The following SOX5 variants were observed in gnomAD, a reference collection of about 807,000 sequenced individuals.
SOX5 encodes the protein SRY-box transcription factor 5.
In SOX5, 9 loss-of-function variants were observed where a neutral mutation model predicts 92.0. That is an observed-to-expected ratio of 0.10 (90% CI 0.06 to 0.17). The LOEUF (loss-of-function observed/expected upper bound fraction) is 0.17, where lower values mean the gene tolerates loss of function less well. Ranked by LOEUF, SOX5 falls within the 10% of genes least tolerant of loss-of-function variation. The pLI, the probability that SOX5 is intolerant of heterozygous loss-of-function variation, is 1.00. For missense variants in SOX5, 642 were observed against 944.5 expected, an observed-to-expected ratio of 0.68 and a Z score of 4.20; for synonymous variants, 344 against 336.3, an observed-to-expected ratio of 1.02 and a Z score of -0.25.
chr12:24,332,487 C>T (rs1052259440), intron 2 of SOX5, among the ~76,000 whole-genome samples: 45 of 151,708 alleles, frequency 3.0e-4, no homozygotes, highest in Non-Finnish European at 7.4e-5. Context: ...TAGAGAGTAA[C>T]TGAAAATAAG....
chr12:23,574,825 A>T (rs1948876188), intron 10 of SOX5, among the ~76,000 whole-genome samples: 1 of 152,070 alleles, frequency 6.6e-6, no homozygotes, highest in African/African-American at 2.4e-5. Context: ...TTGAATTAGG[A>T]TATATCTAAC....
intron 3 of SOX5, among the ~76,000 whole-genome samples, chr12:23,776,209 C>A (rs2095094070): frequency 6.6e-6 from 1 of 151,918 alleles, no homozygotes; most frequent in South Asian, 2.1e-4. Context: ...TTTTTTTGAC[C>A]AATTAAGTTC....
intron 1 of SOX5, among the ~76,000 whole-genome samples, chr12:24,498,432 C>G (rs1015469732): frequency 3.3e-5 from 5 of 152,044 alleles, no homozygotes; most frequent in Non-Finnish European, 7.4e-5. Context: ...ACCTACATTC[C>G]TTCTACCTCT....
intron 6 of SOX5, among the ~76,000 whole-genome samples, chr12:23,719,422 T>C (rs1249640272): frequency 6.6e-6 from 1 of 152,142 alleles, no homozygotes; most frequent in East Asian, 1.9e-4. Context: ...AGCATTTCCA[T>C]GCTACCAGGG....
chr12:24,140,843 G>A (rs578131700), intron 4 of SOX5, among the ~76,000 whole-genome samples: 2 of 152,110 alleles, frequency 1.3e-5, no homozygotes, highest in South Asian at 2.1e-4. Flanking sequence ...AACTGAAATT[G>A]CTCAATAAAA....
At chr12:23,650,639 T>C (rs2054469) in intron 7 of SOX5, among the ~76,000 whole-genome samples, 110,731 of 151,590 alleles carry the variant, frequency 0.73, 41,264 homozygotes, top group African/African-American at 0.89. Flanking sequence ...CCCTGCCATT[T>C]ATAGGGCTAA....
intron 3 of SOX5, among the ~76,000 whole-genome samples, chr12:24,221,081 T>C (rs1960294838): frequency 6.6e-6 from 1 of 152,222 alleles, no homozygotes; most frequent in Non-Finnish European, 1.5e-5. Flanking sequence ...TAACTCAGGA[T>C]GGCCTGATGT....
chr12:24,366,631 A>C (rs1595964544), intron 2 of SOX5, among the ~76,000 whole-genome samples: 1 of 152,244 alleles, frequency 6.6e-6, no homozygotes, highest in Admixed American at 6.5e-5. Flanking sequence ...ACACATTCAT[A>C]CCATCCTATT....
At chr12:23,643,621 A>G (rs2080421576) in intron 7 of SOX5, among the ~76,000 whole-genome samples, 1 of 152,204 alleles carries the variant, frequency 6.6e-6, no homozygotes, top group African/African-American at 2.4e-5. Flanking sequence ...TCAGGCAGAT[A>G]GGTAACTAGC....
intron 1 of SOX5, among the ~76,000 whole-genome samples, chr12:24,402,801 A>C (rs141531162): frequency 1.3e-5 from 2 of 152,200 alleles, no homozygotes; most frequent in Non-Finnish European, 2.9e-5. Flanking sequence ...TAGGGTCCCT[A>C]CTAAAATACT....
intron 9 of SOX5, among the ~76,000 whole-genome samples, chr12:23,590,403 T>C (rs952732555): frequency 6.6e-6 from 1 of 151,992 alleles, no homozygotes; most frequent in African/African-American, 2.4e-5. Context: ...CCTTGTTTCT[T>C]TCTCCAAAAT....
chr12:23,983,792 A>G (rs561831842), intron 4 of SOX5, among the ~76,000 whole-genome samples: 6 of 152,182 alleles, frequency 3.9e-5, no homozygotes, highest in East Asian at 1.9e-4. Flanking sequence ...GTCCTAATTT[A>G]TTATTAGCCA....
chr12:24,531,713 T>C (rs1362937373), intron 1 of SOX5, among the ~76,000 whole-genome samples: 3 of 152,186 alleles, frequency 2.0e-5, no homozygotes, highest in Non-Finnish European at 4.4e-5. Context: ...CCACAATTTG[T>C]GTTGCCCTCC....
At chr12:23,755,536 A>T in intron 4 of SOX5, 102 bp downstream of exon 4, 1 of 785,758 alleles carries the variant, frequency 1.3e-6, no homozygotes, top group Non-Finnish European at 2.1e-6. Context: ...AGAATGCAAG[A>T]AGCAGAAGAG....
chr12:23,551,795 T>TC (rs917980955), intron 11 of SOX5, among the ~76,000 whole-genome samples: 1 of 151,654 alleles, frequency 6.6e-6, no homozygotes, highest in Admixed American at 6.6e-5. Context: ...TTTTTTTTTT[T>TC]CCCTTTCTGA....
At chr12:23,639,337 A>G (rs2079722247) in intron 8 of SOX5, among the ~76,000 whole-genome samples, 1 of 152,202 alleles carries the variant, frequency 6.6e-6, no homozygotes, top group South Asian at 2.1e-4. Flanking sequence ...TCGTGCAATG[A>G]ACATAGGAGT....
chr12:24,126,558 A>T (rs1170968153), intron 4 of SOX5, among the ~76,000 whole-genome samples: 1 of 152,230 alleles, frequency 6.6e-6, no homozygotes, highest in African/African-American at 2.4e-5. Context: ...ACTTCTCGGC[A>T]TCTCCACCAC....
chr12:24,095,711 G>C (rs769165100), intron 4 of SOX5, among the ~76,000 whole-genome samples: 1 of 152,122 alleles, frequency 6.6e-6, no homozygotes, highest in Non-Finnish European at 1.5e-5. Context: ...AGACCAGGTG[G>C]AGGTAATTGA....
chr12:24,284,564 C>A (rs1945618406), intron 2 of SOX5, among the ~76,000 whole-genome samples: 1 of 152,140 alleles, frequency 6.6e-6, no homozygotes, highest in South Asian at 2.1e-4. Flanking sequence ...CAAATTTCAG[C>A]ATCTATGAAC....
Sources: gnomAD v4.1 joint callset for allele counts (sites outside exome capture counted in the v4.1 genomes callset) on GRCh38, gnomAD v4.1.1 for gene constraint, MANE v1.5 for transcripts, NCBI Gene and HGNC (gene_info 2026-07-23, HGNC 2026-07-21) for gene names.